The following ZNF821 variants were observed in gnomAD, a reference collection of about 807,000 sequenced individuals.
ZNF821 encodes zinc finger protein 821.
ZNF821 carries 16 observed loss-of-function variants against 44.3 expected under a neutral mutation model. That is an observed-to-expected ratio of 0.36 (90% CI 0.24 to 0.55). The LOEUF is 0.55. Among genes scored for constraint, ZNF821 ranks in the 20% least tolerant of loss-of-function variants. The pLI, the probability that ZNF821 is intolerant of heterozygous loss-of-function variation, is 0.86. For missense variants in ZNF821, 436 were observed against 547.6 expected (o/e 0.80, Z 2.03); for synonymous variants, 204 against 197.6 (o/e 1.03, Z -0.27).
chr16:71,879,593 A>T (rs558751284), intron 3 of ZNF821, among the ~76,000 whole-genome samples: 1 of 152,152 alleles, frequency 6.6e-6, no homozygotes, highest in Non-Finnish European at 1.5e-5. Context: ...GACATCTAGC[A>T]CAAGGATCTG....
intron 1 of ZNF821, among the ~76,000 whole-genome samples, chr16:71,890,266 G>C (rs1292479814): frequency 6.8e-6 from 1 of 148,110 alleles, no homozygotes; most frequent in Non-Finnish European, 1.5e-5. Flanking sequence ...TTCTTTTTTT[G>C]TTTCATTGTA....
At chr16:71,894,322 C>T (rs1245501760) in intron 1 of ZNF821, 1 of 151,214 alleles carries the variant, frequency 6.6e-6, no homozygotes, top group Non-Finnish European at 1.5e-5. Context: ...GGGCAATCGC[C>T]GGATCTCGGC....
At position 71,876,592 on chromosome 16, in the gene ZNF821, T is replaced by C. The variant is rs191152761; in HGVS notation, c.40+3315A>G. ...ATGCTAAAATACTTCATTTTTTTCT[T>C]TCTCTTTTTCTTTTTTTGTTTTTGG... On this transcript the variant is annotated intron_variant, in intron 3 of 7. Coordinates refer to ENST00000425432, the MANE Select transcript of ZNF821 (RefSeq NM_001201552.2). 1.9e-3 allele frequency among the ~76,000 whole-genome samples: 292 copies of C among 152,146 alleles called. 3 individuals are homozygous for C. In the South Asian group the frequency reaches 0.034, roughly 18 times the overall value.
chr16:71,860,317 C>T lies in ZNF821; in HGVS notation c.940G>A (p.Glu314Lys). 6.2e-7 allele frequency: 1 copy of T among 1,612,524 alleles called. No homozygotes were observed. The highest frequency in any genetic ancestry group is 8.5e-7 in the Non-Finnish European group (1 of 1,179,982). The part of the protein sequence containing the change: ...KRLQRMQETD[E>K]QRARRLQRDR... The stretch of plus-strand genomic sequence containing the variant: ...CGCTGCAGCCGGCGTGCCCGCTGCT[C>T]GTCTGTCTCCTGCATGCGCTGCAAG... The change falls in exon 8 of 8, where the codon GAG becomes AAG. Residue 314 changes from glutamate to lysine, a missense_variant. Coordinates refer to ENST00000425432, the MANE Select transcript of ZNF821 (RefSeq NM_001201552.2). This position sits in a 1 kb window ranked among gnomAD's most constrained non-coding sequence, Gnocchi z 7.3.
At chr16:71,869,628 A>C (rs118088630) in intron 3 of ZNF821, among the ~76,000 whole-genome samples, 1 of 151,916 alleles carries the variant, frequency 6.6e-6, no homozygotes, top group African/African-American at 2.4e-5. Context: ...ATCTAACTCT[A>C]ATGTCCTTTT....
intron 2 of ZNF821, 181 bp from the exon 3 acceptor site, chr16:71,880,204 G>A (rs2288030): frequency 0.5 from 190,465 of 382,768 alleles, 51,514 homozygotes; most frequent in East Asian, 0.92. Flanking sequence ...CAAGGTCCCA[G>A]AAAGTTTAAG....
chr16:71,893,028 G>GTTTTTTTTTT (rs767096247), intron 1 of ZNF821, among the ~76,000 whole-genome samples: 20 of 37,932 alleles, frequency 5.3e-4, no homozygotes, highest in East Asian at 0.011. Flanking sequence ...ACCCTGCCTG[G>GTTTTTTTTTT]CTTTTTTTTT....
intron 1 of ZNF821, chr16:71,893,824 T>A (rs939535779): frequency 1.3e-5 from 2 of 151,400 alleles, no homozygotes; most frequent in Non-Finnish European, 1.5e-5. Flanking sequence ...TAGATTGCAA[T>A]GGGGAGATCT....
At chr16:71,863,574 G>T (rs1278801044) in intron 6 of ZNF821, among the ~76,000 whole-genome samples, 1 of 151,814 alleles carries the variant, frequency 6.6e-6, no homozygotes, top group East Asian at 1.9e-4. Context: ...AATTTTGTAG[G>T]GCTGGGGTCT....
chr16:71,892,101 C>G (rs962172310), intron 1 of ZNF821, among the ~76,000 whole-genome samples: 1 of 125,334 alleles, frequency 8.0e-6, no homozygotes, highest in Non-Finnish European at 1.6e-5. Context: ...TCGCTTTAAC[C>G]CGGGAGGTGG....
In ZNF821 at chr16:71,880,141, A is replaced by G. The variant is rs957460322; in HGVS notation, c.-77-118T>C. 4.0e-5 allele frequency: 19 copies of G among 471,198 alleles called. No homozygotes were observed. In the East Asian group the frequency reaches 6.4e-4, roughly 16 times the overall value. The allele number at this position is 471,198 out of a possible 1,614,324, so 29.2% of individuals were successfully genotyped here. Reference sequence around the variant, plus strand: ...AGCATATAAAACTCACCAGTTATAAATAATTGAACTAATGAAAGAAAGAAA... The same window carrying G: ...AGCATATAAAACTCACCAGTTATAAGTAATTGAACTAATGAAAGAAAGAAA... On this transcript the variant is annotated intron_variant, in intron 2 of 7. Coordinates refer to ENST00000425432, the MANE Select transcript of ZNF821 (RefSeq NM_001201552.2).
upstream of ZNF821, among the ~76,000 whole-genome samples, chr16:71,888,939 TA>T (rs2036871908): frequency 6.6e-6 from 1 of 152,162 alleles, no homozygotes; most frequent in Non-Finnish European, 1.5e-5. Context: ...GGCTGGAAAT[TA>T]TTATGGAAAC....
rs201654772 is a variant in ZNF821, at chr16:71,879,757, C to CT, written c.40+149dup. The stretch of plus-strand genomic sequence containing the variant: ...CATTTTTAACCCTTTTTCTTTCTTT[C>CT]TTTTTTTCTCTTCTGCTCAGCAAAC... On this transcript the variant is annotated intron_variant, in intron 3 of 7. Transcript: ENST00000425432. The CT allele has an allele frequency of 7.7e-6, 6 of 774,616 alleles. No individual in the cohort carries two copies. In the South Asian group the frequency reaches 1.1e-4, roughly 14 times the overall value. The allele number at this position is 774,616 out of a possible 1,614,324, so 48.0% of individuals were successfully genotyped here. A position where few individuals can be genotyped will look rare whatever the true frequency, so the allele number is the denominator to read the frequency against.
intron 2 of ZNF821, chr16:71,880,599 C>T (rs188619556): frequency 1.3e-5 from 2 of 152,304 alleles, no homozygotes; most frequent in Admixed American, 6.5e-5. Context: ...GTGATACAGG[C>T]GCAATGCTAT....
At chr16:71,883,350 G>T in intron 1 of ZNF821, 77 bp from the exon 2 acceptor site, 1 of 381,760 alleles carries the variant, frequency 2.6e-6, no homozygotes, top group East Asian at 7.2e-5. Flanking sequence ...GTTGGGTCTG[G>T]GGCGTGTCTA....
At chr16:71,865,663 G>C (rs2034453545) in intron 4 of ZNF821, among the ~76,000 whole-genome samples, 1 of 152,164 alleles carries the variant, frequency 6.6e-6, no homozygotes, top group Non-Finnish European at 1.5e-5. Flanking sequence ...ACCAACCTCA[G>C]GCACTTTGCA....
chr16:71,870,036 T>G (rs1032716361), intron 3 of ZNF821, among the ~76,000 whole-genome samples: 1 of 152,198 alleles, frequency 6.6e-6, no homozygotes. Flanking sequence ...TATCTCTGTG[T>G]GAGAACGGCT....
upstream of ZNF821, among the ~76,000 whole-genome samples, chr16:71,887,349 T>A (rs2036865148): frequency 7.1e-6 from 1 of 141,656 alleles, no homozygotes; most frequent in South Asian, 2.3e-4. Context: ...AAGCTCCACC[T>A]CCTGAGTTCA....
rs1282420290 is a variant in ZNF821, at chr16:71,864,152, C to T, written c.403G>A (p.Ala135Thr). ...LDCGSREQLI[A>T]HVYQHTAAVV... ...CCCATCCATACCTGGTACACGTGAG[C>T]AATCAACTGCTCCCGGCTCCCGCAG... Residue 135 changes from alanine to threonine, a missense_variant, in exon 6 of 8, where the codon GCT (alanine) becomes ACT (threonine). Physicochemically the swap from Ala to Thr is moderately conservative, Grantham distance 58. This residue lies in a region of ZNF821 where 238 missense variants were observed against 281.4 expected (regional missense o/e 0.85). Coordinates refer to ENST00000425432, the MANE Select transcript of ZNF821 (RefSeq NM_001201552.2). The T allele has an allele frequency of 6.2e-7, 1 of 1,614,036 alleles. No homozygotes were observed. Among genetic ancestry groups the T allele is most frequent in the Non-Finnish European group, 8.5e-7 (1 of 1,180,018 alleles).
Sources: allele counts gnomAD v4.1 joint callset (sites outside exome capture counted in the v4.1 genomes callset), GRCh38; gene constraint gnomAD v4.1.1; regional missense constraint gnomAD v4.1.1; non-coding constraint Gnocchi (gnomAD v3.1); transcripts MANE v1.5; gene names NCBI Gene and HGNC (gene_info 2026-07-23, HGNC 2026-07-21).